ENTREP1: variants seen among roughly 807,000 people sequenced by gnomAD.
ENTREP1 encodes Friedreich ataxia region gene X123.
chr9:69,324,848 C>T, the ENTREP1 span: 2 of 985,256 alleles, frequency 2.0e-6, no homozygotes, highest in Non-Finnish European at 2.4e-6. Context: ...TTCTCTAGCC[C>T]CAGCTCGGCG....
At chr9:69,386,263 G>A in the ENTREP1 span, 1 of 199,716 alleles carries the variant, frequency 5.0e-6, no homozygotes, top group Admixed American at 6.0e-5. Context: ...TCTAGATGCT[G>A]CAATCCTATA....
chr9:69,340,656 T>TGTGTGTGC, the ENTREP1 span, among the ~76,000 whole-genome samples: 1 of 107,760 alleles, frequency 9.3e-6, no homozygotes, highest in Non-Finnish European at 2.0e-5. Flanking sequence ...TGTGTGCATG[T>TGTGTGTGC]GTGTGTGTGC....
At chr9:69,377,352 A>G in the ENTREP1 span, 5 of 1,473,108 alleles carry the variant, frequency 3.4e-6, no homozygotes, top group Non-Finnish European at 3.8e-6. Context: ...TAGTGGTGCC[A>G]TTGTTTCCTT....
At chr9:69,334,194 C>T in the ENTREP1 span, among the ~76,000 whole-genome samples, 175 of 152,308 alleles carry the variant, frequency 1.1e-3, no homozygotes, top group African/African-American at 3.8e-3. Flanking sequence ...GAGTCACACA[C>T]GCCCTGCCCT....
At chr9:69,335,197 G>A in the ENTREP1 span, among the ~76,000 whole-genome samples, 24 of 152,214 alleles carry the variant, frequency 1.6e-4, no homozygotes, top group African/African-American at 5.8e-4. Context: ...AACAATTGGG[G>A]CACAATGCTG....
the ENTREP1 span, among the ~76,000 whole-genome samples, chr9:69,388,801 G>A: frequency 6.6e-6 from 1 of 152,214 alleles, no homozygotes; most frequent in African/African-American, 2.4e-5. Context: ...TCCTTTGATA[G>A]GGCATGTTTT....
the ENTREP1 span, among the ~76,000 whole-genome samples, chr9:69,328,044 A>G: frequency 0.02 from 3,115 of 152,322 alleles, 101 homozygotes; most frequent in African/African-American, 0.071. Context: ...GTTGTTTTTT[A>G]AAAACCTCGT....
At chr9:69,385,566 T>G in the ENTREP1 span, among the ~76,000 whole-genome samples, 1 of 152,172 alleles carries the variant, frequency 6.6e-6, no homozygotes, top group African/African-American at 2.4e-5. Flanking sequence ...TAAATTTTTC[T>G]GTTTGTTTGT....
chr9:69,372,804 G>A, the ENTREP1 span, among the ~76,000 whole-genome samples: 5 of 151,686 alleles, frequency 3.3e-5, no homozygotes, highest in Non-Finnish European at 2.9e-5. Flanking sequence ...CAGTGCACAC[G>A]GGTTCCAATT....
At chr9:69,328,167 G>A in the ENTREP1 span, among the ~76,000 whole-genome samples, 19 of 152,076 alleles carry the variant, frequency 1.2e-4, no homozygotes, top group African/African-American at 4.3e-4. Context: ...TGCTGGCCTT[G>A]TGTCTTCTGA....
chr9:69,332,653 A>T, the ENTREP1 span, among the ~76,000 whole-genome samples: 2 of 152,202 alleles, frequency 1.3e-5, no homozygotes, highest in Non-Finnish European at 2.9e-5. Context: ...CCATATGCAA[A>T]CAAAATACCT....
the ENTREP1 span, among the ~76,000 whole-genome samples, chr9:69,367,889 A>ATATATACACATG: frequency 8.6e-6 from 1 of 116,952 alleles, no homozygotes; most frequent in Non-Finnish European, 1.9e-5. Context: ...ATATACACAT[A>ATATATACACATG]TATATATACA....
At chr9:69,389,384 C>G in the ENTREP1 span, among the ~76,000 whole-genome samples, 1 of 152,176 alleles carries the variant, frequency 6.6e-6, no homozygotes, top group Non-Finnish European at 1.5e-5. Flanking sequence ...TTCCGTTCCC[C>G]CTTTCTACCT....
chr9:69,360,191 A>T, the ENTREP1 span, among the ~76,000 whole-genome samples: 2 of 152,146 alleles, frequency 1.3e-5, no homozygotes, highest in African/African-American at 4.8e-5. Flanking sequence ...TGTCAAGGTT[A>T]TATGTGCACA....
the ENTREP1 span, chr9:69,379,595 G>A: frequency 2.6e-5 from 4 of 152,222 alleles, no homozygotes; most frequent in Non-Finnish European, 4.4e-5. Context: ...TGTACCTGAG[G>A]ACACATTTGC....
the ENTREP1 span, among the ~76,000 whole-genome samples, chr9:69,374,539 G>C: frequency 6.6e-6 from 1 of 152,170 alleles, no homozygotes; most frequent in South Asian, 2.1e-4. Context: ...CCAGCAAAGA[G>C]AGTTTCTCTC....
At chr9:69,325,407 C>T in the ENTREP1 span, 1 of 1,070,792 alleles carries the variant, frequency 9.3e-7, no homozygotes, top group Non-Finnish European at 1.1e-6. Context: ...GCCGCCGCCG[C>T]TCAGGAGCCG....
chr9:69,324,802 C>T, the ENTREP1 span: 2 of 985,200 alleles, frequency 2.0e-6, no homozygotes, highest in African/African-American at 1.7e-5. Context: ...CGCGCCAGGG[C>T]CTCTCTCGTG....
chr9:69,375,803 A>T, the ENTREP1 span: 1 of 1,614,150 alleles, frequency 6.2e-7, no homozygotes, highest in African/African-American at 1.3e-5. Flanking sequence ...TGCACAGACA[A>T]AGAAAATGCC....
Sources: gnomAD v4.1 joint callset for allele counts (sites outside exome capture counted in the v4.1 genomes callset) on GRCh38, gnomAD v4.1.1 for gene constraint, MANE v1.5 for transcripts, NCBI Gene and HGNC (gene_info 2026-07-23, HGNC 2026-07-21) for gene names.